Variants in UBIAD1 observed in about 807,000 individuals in gnomAD.
UBIAD1 encodes ubiA prenyltransferase domain-containing protein 1.
In UBIAD1, 12 loss-of-function variants were observed where a neutral mutation model predicts 20.1. The ratio of observed to expected loss-of-function variants is 0.60; its 90% CI spans 0.38 to 0.97. The LOEUF (loss-of-function observed/expected upper bound fraction) is 0.97, where lower values mean the gene tolerates loss of function less well. Among genes scored for constraint, UBIAD1 ranks in the 50% least tolerant of loss-of-function variants. UBIAD1 has a pLI of 0.00. For missense variants in UBIAD1, 333 were observed against 419.5 expected (o/e 0.79, Z 1.80); for synonymous variants, 207 against 189.2 (o/e 1.09, Z -0.77).
intron 1 of UBIAD1, among the ~76,000 whole-genome samples, chr1:11,280,891 C>T (rs1016706100): frequency 1.3e-5 from 2 of 152,126 alleles, no homozygotes; most frequent in Non-Finnish European, 2.9e-5. Context: ...CCCTGTCAGT[C>T]CTGCTTAGAA....
At chr1:11,275,764 A>C (rs960486105) in intron 1 of UBIAD1, among the ~76,000 whole-genome samples, 8 of 151,962 alleles carry the variant, frequency 5.3e-5, no homozygotes, top group Non-Finnish European at 1.2e-4. Flanking sequence ...ATTTGAGTTG[A>C]GTTACATTGA....
In UBIAD1 at chr1:11,285,559, G is replaced by C. The variant is rs979045367; in HGVS notation, c.530-85G>C. The C allele has an allele frequency of 1.2e-6, 2 of 1,602,182 alleles. No individual in the cohort carries two copies. The highest frequency in any genetic ancestry group is 1.3e-5 in the African/African-American group (1 of 74,750). ...TCTAAGGATTTACCATTTTCAGCCG[G>C]AAGTGGCCTGCCTCTTCACTGGTGA... is the stretch of plus-strand genomic sequence containing the variant. On this transcript the variant is annotated intron_variant, in intron 1 of 1. Coordinates refer to ENST00000376810, the MANE Select transcript of UBIAD1 (RefSeq NM_013319.3). The surrounding 1 kb of genome is among the most constrained non-coding windows in gnomAD (Gnocchi z 4.4).
Position 11,286,486 on chromosome 1 carries a change from G to C in UBIAD1, c.*355G>C, listed in dbSNP as rs1453049550. 4 of 342,942 alleles carry C rather than the reference G, an allele frequency of 1.2e-5. No individual in the cohort carries two copies. The highest frequency in any genetic ancestry group is 8.6e-5 in the African/African-American group (4 of 46,692). 21.2% of individuals were successfully genotyped at this position (342,942 alleles called of 1,614,324 possible). On this transcript the variant is annotated 3_prime_UTR_variant, in exon 2 of 2. Coordinates refer to ENST00000376810, the MANE Select transcript of UBIAD1 (RefSeq NM_013319.3). ...TGTCTCCAGACTTTGTAAAGGAGCTGCCCAGTTTGGCCTCCTGTCCCGAAA... is the reference window on the plus strand; with the variant it reads ...TGTCTCCAGACTTTGTAAAGGAGCTCCCCAGTTTGGCCTCCTGTCCCGAAA...
Position 11,285,355 on chromosome 1 carries a change from C to T in UBIAD1, c.530-289C>T, listed in dbSNP as rs1006850959. Among the ~76,000 whole-genome samples, 1 of 151,970 alleles carries T rather than the reference C, an allele frequency of 6.6e-6. No homozygotes were observed. The highest frequency in any genetic ancestry group is 6.6e-5 in the Admixed American group (1 of 15,244). On this transcript the variant is annotated intron_variant, in intron 1 of 1. Coordinates refer to ENST00000376810, the MANE Select transcript of UBIAD1 (RefSeq NM_013319.3). This position sits in a 1 kb window ranked among gnomAD's most constrained non-coding sequence, Gnocchi z 4.4. ...CATTGAACTAAGAGTATAGTGGGTGCCTAGTGTGCTATGTTGCAGAGCTCT... is the reference window on the plus strand; with the variant it reads ...CATTGAACTAAGAGTATAGTGGGTGTCTAGTGTGCTATGTTGCAGAGCTCT...
downstream of UBIAD1, among the ~76,000 whole-genome samples, chr1:11,290,252 A>G (rs1638347385): frequency 6.6e-6 from 1 of 152,158 alleles, no homozygotes; most frequent in Non-Finnish European, 1.5e-5. Flanking sequence ...GCACCCTCCC[A>G]AATGTCTGGG....
At chr1:11,292,668 T>TATATACACACAC (rs1223161585), downstream of UBIAD1, among the ~76,000 whole-genome samples, 40 of 140,744 alleles carry the variant, frequency 2.8e-4, no homozygotes, top group South Asian at 4.0e-3. Flanking sequence ...ATTTTATGTA[T>TATATACACACAC]ACACACACAC....
chr1:11,298,164 G>A (rs933413296), downstream of UBIAD1, among the ~76,000 whole-genome samples: 3 of 151,916 alleles, frequency 2.0e-5, no homozygotes, highest in African/African-American at 7.3e-5. This position sits in a 1 kb window ranked among gnomAD's most constrained non-coding sequence, Gnocchi z 4.0. Flanking sequence ...CACCATGTTG[G>A]TCAGGCTGGT....
At chr1:11,291,827 T>C (rs1569910210), downstream of UBIAD1, among the ~76,000 whole-genome samples, 2 of 151,908 alleles carry the variant, frequency 1.3e-5, no homozygotes, top group East Asian at 3.9e-4. Flanking sequence ...CATAAAGCCA[T>C]GTCAGCCTGG....
At position 11,278,817 on chromosome 1, in the gene UBIAD1, G is replaced by C. The variant is rs180733898; in HGVS notation, c.529+4757G>C. The C allele has an allele frequency of 2.6e-4, 127 of 481,658 alleles. 1 individual carries two copies. The East Asian group carries it at 3.8e-3, about 14-fold the overall frequency. 29.8% of individuals were successfully genotyped at this position (481,658 alleles called of 1,614,324 possible). Reference sequence around the variant, plus strand: ...ATTCTTGTTACAAATCTAACTGATGGGGGAGCTTCTGGGTATTTGGGTCCA... The same window carrying C: ...ATTCTTGTTACAAATCTAACTGATGCGGGAGCTTCTGGGTATTTGGGTCCA... On this transcript the variant is annotated intron_variant, in intron 1 of 1. Transcript: ENST00000376810.
In UBIAD1 at chr1:11,273,331, A is replaced by G; in HGVS notation, c.-201A>G. On this transcript the variant is annotated 5_prime_UTR_variant, in exon 1 of 2. Coordinates refer to ENST00000376810, the MANE Select transcript of UBIAD1 (RefSeq NM_013319.3). This position sits in a 1 kb window ranked among gnomAD's most constrained non-coding sequence, Gnocchi z 4.9. ...GACAGACTTCGCCCAGGTGACGGGTAGTAGGGGCGGCGCCGCTTGGCCTCG... is the reference window on the plus strand; with the variant it reads ...GACAGACTTCGCCCAGGTGACGGGTGGTAGGGGCGGCGCCGCTTGGCCTCG... 2 of 574,772 alleles carry G rather than the reference A, an allele frequency of 3.5e-6. No homozygotes were observed. The highest frequency in any genetic ancestry group is 6.2e-6 in the Non-Finnish European group (2 of 323,066). The allele number at this position is 574,772 out of a possible 1,614,324, so 35.6% of individuals were successfully genotyped here. A position where few individuals can be genotyped will look rare whatever the true frequency, so the allele number is the denominator to read the frequency against.
downstream of UBIAD1, among the ~76,000 whole-genome samples, chr1:11,292,668 T>TATATACACACACACACACAC: frequency 7.1e-6 from 1 of 140,742 alleles, no homozygotes; most frequent in South Asian, 2.4e-4. Flanking sequence ...ATTTTATGTA[T>TATATACACACACACACACAC]ACACACACAC....
chr1:11,276,562 G>T (rs538503695), intron 1 of UBIAD1, among the ~76,000 whole-genome samples: 1 of 151,666 alleles, frequency 6.6e-6, no homozygotes, highest in Non-Finnish European at 1.5e-5. Context: ...TACTCGGGAG[G>T]CTGAGGCAGG....
chr1:11,281,828 ATG>A (rs1032487659), intron 1 of UBIAD1, among the ~76,000 whole-genome samples: 4 of 152,068 alleles, frequency 2.6e-5, no homozygotes, highest in African/African-American at 9.7e-5. Flanking sequence ...ACTATGAACT[ATG>A]TATGTATGTA....
intron 1 of UBIAD1, among the ~76,000 whole-genome samples, chr1:11,294,600 T>G (rs1323111533): frequency 1.3e-5 from 2 of 151,980 alleles, no homozygotes; most frequent in Non-Finnish European, 2.9e-5. Context: ...GCCACAGAGG[T>G]GGTTCCCATC....
chr1:11,286,111 G>T lies in UBIAD1; in HGVS notation c.997G>T (p.Gly333Cys). 1 of 1,614,186 alleles carries T rather than the reference G, an allele frequency of 6.2e-7. No individual in the cohort carries two copies. Among genetic ancestry groups the T allele is most frequent in the East Asian group, 2.2e-5 (1 of 44,880 alleles). Reference protein sequence around the residue: ...YVFGIILAPAGSLPKI With the variant: ...YVFGIILAPACSLPKI ...CTTTGGCATCATTCTGGCACCAGCAGGCAGTCTGCCCAAAATTTAAGGGGA... is the reference window on the plus strand; with the variant it reads ...CTTTGGCATCATTCTGGCACCAGCATGCAGTCTGCCCAAAATTTAAGGGGA... The change falls in exon 2 of 2, where the codon GGC (glycine) becomes TGC (cysteine). Residue 333 changes from glycine to cysteine, a missense_variant. By Grantham distance (159) the Gly-to-Cys change is radical. Transcript: ENST00000376810.
chr1:11,280,668 G>A (rs1251259553), intron 1 of UBIAD1, among the ~76,000 whole-genome samples: 6 of 152,064 alleles, frequency 3.9e-5, no homozygotes, highest in East Asian at 1.9e-4. Context: ...TGACTCCCAC[G>A]TCTCACATCC....
Position 11,285,553 on chromosome 1 carries a change from C to A in UBIAD1, c.530-91C>A. The A allele has an allele frequency of 6.3e-7, 1 of 1,592,712 alleles. No individual in the cohort carries two copies. Among genetic ancestry groups the A allele is most frequent in the Non-Finnish European group, 8.6e-7 (1 of 1,168,376 alleles). On this transcript the variant is annotated intron_variant, in intron 1 of 1. Coordinates refer to ENST00000376810, the MANE Select transcript of UBIAD1 (RefSeq NM_013319.3). The surrounding 1 kb of genome is among the most constrained non-coding windows in gnomAD (Gnocchi z 4.4). ...GCACAGTCTAAGGATTTACCATTTT[C>A]AGCCGGAAGTGGCCTGCCTCTTCAC...
Position 11,273,514 on chromosome 1 carries a change from C to A in UBIAD1, c.-18C>A. On this transcript the variant is annotated 5_prime_UTR_variant, in exon 1 of 2. Coordinates refer to ENST00000376810, the MANE Select transcript of UBIAD1 (RefSeq NM_013319.3). The surrounding 1 kb of genome is among the most constrained non-coding windows in gnomAD (Gnocchi z 4.9). ...CGTGGCTCACTTTTAGAGTTTACTT[C>A]AACCACGTGGAGCTTCCATGGCGGC... 1 of 1,610,910 alleles carries A rather than the reference C, an allele frequency of 6.2e-7. No homozygotes were observed. The highest frequency in any genetic ancestry group is 1.1e-5 in the South Asian group (1 of 90,994).
chr1:11,282,995 G>T (rs1652294179), intron 1 of UBIAD1, among the ~76,000 whole-genome samples: 1 of 151,048 alleles, frequency 6.6e-6, no homozygotes, highest in African/African-American at 2.4e-5. Context: ...CGAGTAGCTG[G>T]GATTACAGAC....
Sources: allele counts gnomAD v4.1 joint callset (sites outside exome capture counted in the v4.1 genomes callset), GRCh38; gene constraint gnomAD v4.1.1; non-coding constraint Gnocchi (gnomAD v3.1); transcripts MANE v1.5; gene names NCBI Gene and HGNC (gene_info 2026-07-23, HGNC 2026-07-21).